NRG3: variants seen among roughly 807,000 people sequenced by gnomAD.
NRG3 encodes the protein neuregulin 3.
In NRG3, 31 loss-of-function variants were observed where a neutral mutation model predicts 66.9. The observed-to-expected ratio is 0.46, with a 90% CI of 0.35 to 0.63. The LOEUF (loss-of-function observed/expected upper bound fraction) is 0.63, where lower values mean the gene tolerates loss of function less well. Among genes scored for constraint, NRG3 ranks in the 20% least tolerant of loss-of-function variants. The pLI, the probability that NRG3 is intolerant of heterozygous loss-of-function variation, is 0.00. For missense variants in NRG3, 910 were observed against 878.9 expected, an observed-to-expected ratio of 1.04 and a Z score of -0.45; for synonymous variants, 393 against 359.4, an observed-to-expected ratio of 1.09 and a Z score of -1.06.
At chr10:82,964,098 A>G (rs932616023) in intron 6 of NRG3, among the ~76,000 whole-genome samples, 3 of 152,234 alleles carry the variant, frequency 2.0e-5, no homozygotes, top group Non-Finnish European at 2.9e-5. Context: ...AGATTCATAC[A>G]TTCATTTATT....
intron 1 of NRG3, among the ~76,000 whole-genome samples, chr10:82,042,415 T>C (rs761599972): frequency 2.0e-5 from 3 of 152,084 alleles, no homozygotes; most frequent in Admixed American, 6.6e-5. Context: ...TTGTCAAAAA[T>C]GTCTCAAGAT....
intron 3 of NRG3, among the ~76,000 whole-genome samples, chr10:82,797,197 C>T (rs7919853): frequency 0.17 from 25,572 of 152,138 alleles, 2,188 homozygotes; most frequent in South Asian, 0.26. Flanking sequence ...TTCTAATTCT[C>T]CTGCAGCTAC....
chr10:82,720,865 A>ATC (rs4034896), intron 2 of NRG3, among the ~76,000 whole-genome samples: 31,674 of 133,916 alleles, frequency 0.24, 4,199 homozygotes, highest in Middle Eastern at 0.37. Flanking sequence ...GATTAACTGA[A>ATC]TCTCTCTCTC....
intron 1 of NRG3, among the ~76,000 whole-genome samples, chr10:82,021,012 A>C (rs2062033728): frequency 6.6e-6 from 1 of 151,986 alleles, no homozygotes; most frequent in Non-Finnish European, 1.5e-5. Flanking sequence ...TTCTTTAATC[A>C]TCTGGTGGAA....
At chr10:81,918,738 G>T (rs1845937608) in intron 1 of NRG3, among the ~76,000 whole-genome samples, 1 of 151,302 alleles carries the variant, frequency 6.6e-6, no homozygotes, top group East Asian at 1.9e-4. Flanking sequence ...TTTTACTAAT[G>T]AAATGCTGTT....
chr10:82,722,586 C>A (rs551740978), intron 2 of NRG3, among the ~76,000 whole-genome samples: 38 of 152,078 alleles, frequency 2.5e-4, no homozygotes, highest in Non-Finnish European at 4.4e-4. Flanking sequence ...CTCCAAGCCC[C>A]CACCCCTAAT....
At chr10:82,156,393 A>T (rs528547367) in intron 1 of NRG3, among the ~76,000 whole-genome samples, 2 of 151,662 alleles carry the variant, frequency 1.3e-5, no homozygotes, top group South Asian at 2.1e-4. Context: ...CAACTTCCTC[A>T]TCCAAAATCT....
chr10:82,899,656 TG>T (rs1404828064), intron 4 of NRG3, among the ~76,000 whole-genome samples: 8 of 152,204 alleles, frequency 5.3e-5, no homozygotes, highest in African/African-American at 1.9e-4. Flanking sequence ...GGAACTAGCA[TG>T]GCCCTTTTAT....
intron 1 of NRG3, among the ~76,000 whole-genome samples, chr10:82,335,078 A>G (rs912402525): frequency 2.0e-5 from 3 of 152,202 alleles, no homozygotes; most frequent in African/African-American, 4.8e-5. Flanking sequence ...CAATCAGCCC[A>G]CTGTCCTTCA....
intron 2 of NRG3, among the ~76,000 whole-genome samples, chr10:82,379,985 C>G (rs2085506143): frequency 6.6e-6 from 1 of 150,566 alleles, no homozygotes; most frequent in Admixed American, 6.6e-5. Flanking sequence ...TTCTCAAATG[C>G]AATTTTATAA....
At chr10:82,065,687 T>C (rs1449020015) in intron 1 of NRG3, among the ~76,000 whole-genome samples, 3 of 152,014 alleles carry the variant, frequency 2.0e-5, no homozygotes, top group African/African-American at 7.2e-5. Flanking sequence ...AGTTAGAAAA[T>C]AAAAAAGGAG....
At chr10:81,914,688 C>A (rs184068485) in intron 1 of NRG3, among the ~76,000 whole-genome samples, 1 of 141,330 alleles carries the variant, frequency 7.1e-6, no homozygotes, top group East Asian at 2.2e-4. Flanking sequence ...CTCAGGAGTT[C>A]AAGGATGCAG....
chr10:82,200,363 T>C (rs1297970515), intron 1 of NRG3, among the ~76,000 whole-genome samples: 6 of 152,158 alleles, frequency 3.9e-5, no homozygotes, highest in Non-Finnish European at 8.8e-5. Flanking sequence ...ACTAAATACC[T>C]GGCATGGAGA....
At position 82,321,305 on chromosome 10, in the gene NRG3, GGT is replaced by G. The variant is rs1491015226; in HGVS notation, c.824-37432_824-37431del. The stretch of plus-strand genomic sequence containing the variant: ...TCACACATCCTGTGGCAGGGGTGGG[GGT>G]GGGGGTCAGGGAACTCTCCTGTTTC... On this transcript the variant is annotated intron_variant, in intron 1 of 8. Transcript: ENST00000372141. Among the ~76,000 whole-genome samples the G allele has an allele frequency of 5.2e-3, 745 of 144,642 alleles. 16 individuals are homozygous for G. Among genetic ancestry groups the G allele is most frequent in the African/African-American group, 0.019 (695 of 37,444 alleles). The allele number at this position is 144,642 out of a possible 152,430, so 94.9% of individuals were successfully genotyped here.
chr10:82,107,234 G>A (rs962878809), intron 1 of NRG3, among the ~76,000 whole-genome samples: 3 of 152,088 alleles, frequency 2.0e-5, no homozygotes, highest in African/African-American at 4.8e-5. Context: ...ATCTCATGTC[G>A]GCATTCAAAA....
At chr10:82,491,316 A>ATATATATATATATATATATAC (rs1389375279) in intron 2 of NRG3, among the ~76,000 whole-genome samples, 4 of 136,812 alleles carry the variant, frequency 2.9e-5, no homozygotes, top group Non-Finnish European at 4.8e-5. Context: ...ATATATATAT[A>ATATATATATATATATATATAC]AAATAAAGAT....
At chr10:82,428,883 C>T (rs2089612686) in intron 2 of NRG3, among the ~76,000 whole-genome samples, 1 of 151,802 alleles carries the variant, frequency 6.6e-6, no homozygotes, top group Admixed American at 6.6e-5. Flanking sequence ...ATATTTCAGT[C>T]TATGTTGTTA....
intron 1 of NRG3, among the ~76,000 whole-genome samples, chr10:82,195,787 C>A (rs1266072464): frequency 1.3e-5 from 2 of 152,110 alleles, no homozygotes; most frequent in African/African-American, 4.8e-5. Flanking sequence ...TATAAGTAAA[C>A]CAGAGAGGCA....
At chr10:82,487,776 A>G (rs541708653) in intron 2 of NRG3, among the ~76,000 whole-genome samples, 1 of 152,352 alleles carries the variant, frequency 6.6e-6, no homozygotes, top group South Asian at 2.1e-4. Flanking sequence ...TTTTCTATCA[A>G]ATTCCTCTGG....
Sources: gnomAD v4.1 joint callset for allele counts (sites outside exome capture counted in the v4.1 genomes callset) on GRCh38, gnomAD v4.1.1 for gene constraint, MANE v1.5 for transcripts, NCBI Gene and HGNC (gene_info 2026-07-23, HGNC 2026-07-21) for gene names.